NKAIN2: variants seen among roughly 807,000 people sequenced by gnomAD.
NKAIN2 encodes sodium/potassium-transporting ATPase subunit beta-1-interacting protein 2.
Under a neutral mutation model 32.6 loss-of-function variants are expected in NKAIN2, and 14 were observed. That is an observed-to-expected ratio of 0.43 (90% CI 0.28 to 0.67). The LOEUF (loss-of-function observed/expected upper bound fraction) is 0.67. NKAIN2 is among the 30% of genes least tolerant of loss of function. The pLI, the probability that NKAIN2 is intolerant of heterozygous loss-of-function variation, is 0.17. For missense variants in NKAIN2, 198 were observed against 258.3 expected (o/e 0.77, Z 1.60); for synonymous variants, 80 against 87.2 (o/e 0.92, Z 0.46).
intron 3 of NKAIN2, among the ~76,000 whole-genome samples, chr6:124,414,955 C>T (rs1052101300): frequency 1.3e-5 from 2 of 150,564 alleles, no homozygotes; most frequent in South Asian, 2.1e-4. Flanking sequence ...AAAAAAGAAT[C>T]ATCTTGAGGT....
intron 1 of NKAIN2, among the ~76,000 whole-genome samples, chr6:124,243,735 A>G (rs930960478): frequency 1.3e-5 from 2 of 152,094 alleles, no homozygotes; most frequent in African/African-American, 4.8e-5. Flanking sequence ...AAACATCAGA[A>G]TCCTAGATCA....
chr6:124,028,669 G>T (rs1404278721), intron 1 of NKAIN2, among the ~76,000 whole-genome samples: 1 of 144,442 alleles, frequency 6.9e-6, no homozygotes, highest in Non-Finnish European at 1.5e-5. Flanking sequence ...ATTCTTTTAG[G>T]TCATTCTAAA....
At chr6:124,535,175 T>C (rs369352213) in intron 3 of NKAIN2, among the ~76,000 whole-genome samples, 187 of 152,304 alleles carry the variant, frequency 1.2e-3, no homozygotes, top group African/African-American at 4.4e-3. Flanking sequence ...AAGCCATGGA[T>C]AAGGAGGGCC....
At chr6:124,376,651 C>T (rs955023082) in intron 3 of NKAIN2, among the ~76,000 whole-genome samples, 10 of 152,198 alleles carry the variant, frequency 6.6e-5, no homozygotes, top group Middle Eastern at 3.4e-3. Flanking sequence ...TTTAAGCTTA[C>T]CCTACAGTTA....
At chr6:124,598,562 G>T (rs926375710) in intron 3 of NKAIN2, among the ~76,000 whole-genome samples, 5 of 151,548 alleles carry the variant, frequency 3.3e-5, no homozygotes, top group African/African-American at 1.2e-4. Flanking sequence ...GCATGCTATT[G>T]CCCAAAGCCA....
chr6:124,085,425 G>A (rs960292618), intron 1 of NKAIN2, among the ~76,000 whole-genome samples: 2 of 151,742 alleles, frequency 1.3e-5, no homozygotes, highest in African/African-American at 2.4e-5. Flanking sequence ...TTTCAGAACT[G>A]GGTTGAGGGG....
At chr6:124,775,958 T>A (rs1172084820) in intron 4 of NKAIN2, among the ~76,000 whole-genome samples, 1 of 152,180 alleles carries the variant, frequency 6.6e-6, no homozygotes, top group Non-Finnish European at 1.5e-5. Context: ...AAGTTTGTCA[T>A]TGTACAGCAT....
intron 2 of NKAIN2, among the ~76,000 whole-genome samples, chr6:124,320,744 A>G (rs1352406585): frequency 1.3e-5 from 2 of 152,202 alleles, no homozygotes; most frequent in Admixed American, 1.3e-4. Flanking sequence ...TTCATCCATG[A>G]TATTCAATGA....
intron 1 of NKAIN2, among the ~76,000 whole-genome samples, chr6:123,878,157 C>T (rs1248663660): frequency 3.3e-5 from 5 of 151,550 alleles, no homozygotes; most frequent in African/African-American, 4.9e-5. Context: ...ACCCGGGAGG[C>T]GGAGGTTGTG....
At chr6:124,808,884 T>C (rs2114853240) in intron 5 of NKAIN2, among the ~76,000 whole-genome samples, 2 of 152,274 alleles carry the variant, frequency 1.3e-5, no homozygotes, top group Middle Eastern at 6.8e-3. Flanking sequence ...CATTCACAAT[T>C]GCTTCAAAGA....
intron 4 of NKAIN2, among the ~76,000 whole-genome samples, chr6:124,782,039 G>A (rs917968497): frequency 9.9e-5 from 15 of 152,118 alleles, no homozygotes; most frequent in African/African-American, 3.1e-4. Flanking sequence ...TTTATTGGAT[G>A]CCACATAAAA....
intron 3 of NKAIN2, among the ~76,000 whole-genome samples, chr6:124,364,339 G>A (rs745855263): frequency 1.3e-4 from 19 of 151,260 alleles, no homozygotes; most frequent in Non-Finnish European, 2.4e-4. Context: ...AACAGAATTG[G>A]ATAGAAGCAA....
At chr6:124,004,122 T>G (rs1384372909) in intron 1 of NKAIN2, among the ~76,000 whole-genome samples, 1 of 152,226 alleles carries the variant, frequency 6.6e-6, no homozygotes, top group Admixed American at 6.5e-5. Flanking sequence ...TGAATGATTT[T>G]CCAAACTTGG....
At chr6:123,835,592 T>G (rs758200662) in intron 1 of NKAIN2, among the ~76,000 whole-genome samples, 9 of 152,180 alleles carry the variant, frequency 5.9e-5, no homozygotes, top group Non-Finnish European at 1.2e-4. Flanking sequence ...ACTCTCTATG[T>G]GCAGACACAG....
At chr6:124,251,663 C>G (rs868571363) in intron 1 of NKAIN2, among the ~76,000 whole-genome samples, 92 of 152,026 alleles carry the variant, frequency 6.1e-4, no homozygotes, top group African/African-American at 2.0e-3. Flanking sequence ...TATAAAACCA[C>G]CAGATTGGCA....
intron 1 of NKAIN2, among the ~76,000 whole-genome samples, chr6:123,865,948 A>G (rs1455100420): frequency 2.0e-5 from 3 of 152,220 alleles, no homozygotes; most frequent in Non-Finnish European, 4.4e-5. Flanking sequence ...ATTTTCTCAT[A>G]TGTTTTAATT....
intron 3 of NKAIN2, among the ~76,000 whole-genome samples, chr6:124,434,287 GAC>G (rs1775344207): frequency 6.6e-6 from 1 of 152,118 alleles, no homozygotes; most frequent in African/African-American, 2.4e-5. Context: ...CTTTGCAGGG[GAC>G]ACACATCAGT....
chr6:124,586,536 T>G (rs919547632), intron 3 of NKAIN2, among the ~76,000 whole-genome samples: 2 of 151,274 alleles, frequency 1.3e-5, no homozygotes, highest in Non-Finnish European at 2.9e-5. Flanking sequence ...CACCAAACCC[T>G]CAGAGACACC....
intron 1 of NKAIN2, among the ~76,000 whole-genome samples, chr6:123,848,404 G>A (rs558636183): frequency 6.6e-6 from 1 of 152,242 alleles, no homozygotes; most frequent in South Asian, 2.1e-4. Context: ...GAGGGACCCG[G>A]TAGGAGGTAA....
Sources: gnomAD v4.1 joint callset for allele counts (sites outside exome capture counted in the v4.1 genomes callset) on GRCh38, gnomAD v4.1.1 for gene constraint, MANE v1.5 for transcripts, NCBI Gene and HGNC (gene_info 2026-07-23, HGNC 2026-07-21) for gene names.